Variants in CEP85L observed in about 807,000 individuals in gnomAD.
CEP85L encodes the protein centrosomal protein of 85 kDa-like.
Under a neutral mutation model 100.3 loss-of-function variants are expected in CEP85L, and 60 were observed. That is an observed-to-expected ratio of 0.60 (90% CI 0.49 to 0.74). The LOEUF (loss-of-function observed/expected upper bound fraction) is 0.74, where lower values mean the gene tolerates loss of function less well. Ranked by LOEUF, CEP85L falls within the 30% of genes least tolerant of loss-of-function variation. The probability of loss-of-function intolerance (pLI) is 0.00; values close to 1 mark genes in which losing one functional copy is unlikely to be tolerated. For synonymous variants in CEP85L, 319 were observed against 322.7 expected, an observed-to-expected ratio of 0.99 and a Z score of 0.12; for missense variants, 973 against 936.2, an observed-to-expected ratio of 1.04 and a Z score of -0.51.
At chr6:118,608,732 C>T (rs1772415619) in intron 2 of CEP85L, among the ~76,000 whole-genome samples, 1 of 152,116 alleles carries the variant, frequency 6.6e-6, no homozygotes, top group Admixed American at 6.5e-5. Flanking sequence ...AGTTAATATG[C>T]TTGCTACAGA....
In CEP85L at chr6:118,651,508, G is replaced by C; in HGVS notation, c.-239C>G. On this transcript the variant is annotated 5_prime_UTR_variant, in exon 1 of 13. Coordinates refer to ENST00000368491, the MANE Select transcript of CEP85L (RefSeq NM_001042475.3). ...GGGCTGAGGCCCGCGCCGGGGAAGC[G>C]GCGACTCGGCGGTGACGGCTGCTAG... The C allele has an allele frequency of 7.9e-7, 1 of 1,267,596 alleles. No individual in the cohort carries two copies. Among genetic ancestry groups the C allele is most frequent in the Non-Finnish European group, 9.9e-7 (1 of 1,007,186 alleles). 78.5% of individuals were successfully genotyped at this position (1,267,596 alleles called of 1,614,324 possible). A position where few individuals can be genotyped will look rare whatever the true frequency, so the allele number is the denominator to read the frequency against.
intron 4 of CEP85L, 142 bp from the exon 5 acceptor site, chr6:118,511,557 T>C (rs1775972570): frequency 5.4e-6 from 3 of 559,040 alleles, no homozygotes; most frequent in Admixed American, 6.6e-5. Context: ...CAACAACTCA[T>C]AGCTTGCTTT....
rs1254132168 is a variant in CEP85L at position 118,462,409 on chromosome 6, A to T, written c.*2996T>A. On this transcript the variant is annotated 3_prime_UTR_variant, in exon 13 of 13. Transcript: ENST00000368491. ...AAGATAGCTATTGTGCCTTTGATTC[A>T]GTGAATTTTATCTGTACAGGCAATT... 1 of 152,006 alleles carries T rather than the reference A, an allele frequency of 6.6e-6. No individual in the cohort carries two copies. Among genetic ancestry groups the T allele is most frequent in the Non-Finnish European group, 1.5e-5 (1 of 67,876 alleles). The allele number at this position is 152,006 out of a possible 1,614,324, so 9.4% of individuals were successfully genotyped here. A position where few individuals can be genotyped will look rare whatever the true frequency, so the allele number is the denominator to read the frequency against.
At chr6:118,555,689 A>G (rs1778821516) in intron 3 of CEP85L, among the ~76,000 whole-genome samples, 1 of 152,042 alleles carries the variant, frequency 6.6e-6, no homozygotes, top group South Asian at 2.1e-4. Context: ...GGTATGTGTG[A>G]AGGTTTGTTA....
intron 5 of CEP85L, among the ~76,000 whole-genome samples, chr6:118,495,718 T>A (rs570750225): frequency 6.6e-6 from 1 of 152,328 alleles, no homozygotes; most frequent in African/African-American, 2.4e-5. Flanking sequence ...ACATTTGTCA[T>A]GAACTCTTAG....
At chr6:118,495,922 A>G (rs1294332140) in intron 5 of CEP85L, among the ~76,000 whole-genome samples, 4 of 152,118 alleles carry the variant, frequency 2.6e-5, no homozygotes, top group South Asian at 4.1e-4. Context: ...TTTGTGTGAT[A>G]TATTTTCAGA....
At chr6:118,615,028 A>C (rs1772935668) in intron 2 of CEP85L, among the ~76,000 whole-genome samples, 1 of 152,242 alleles carries the variant, frequency 6.6e-6, no homozygotes, top group South Asian at 2.1e-4. Flanking sequence ...AACATAAAAT[A>C]TTAAGTGTAA....
chr6:118,566,898 T>C (rs911900792), intron 2 of CEP85L, among the ~76,000 whole-genome samples: 3 of 152,144 alleles, frequency 2.0e-5, no homozygotes, highest in Non-Finnish European at 4.4e-5. Flanking sequence ...AGGTTTATAT[T>C]TACCCTAATT....
At chr6:118,645,233 G>A (rs897080095) in intron 1 of CEP85L, among the ~76,000 whole-genome samples, 15 of 152,086 alleles carry the variant, frequency 9.9e-5, no homozygotes, top group Non-Finnish European at 2.1e-4. Flanking sequence ...AGGTAACAAT[G>A]TTACCTCCTC....
At chr6:118,684,376 C>G (rs1033869877) in intron 1 of CEP85L, among the ~76,000 whole-genome samples, 1 of 152,112 alleles carries the variant, frequency 6.6e-6, no homozygotes, top group Admixed American at 6.5e-5. Context: ...GTGGCGCATG[C>G]CTGTTAATTA....
At chr6:118,638,604 A>C (rs752360438) in intron 1 of CEP85L, among the ~76,000 whole-genome samples, 12 of 150,340 alleles carry the variant, frequency 8.0e-5, no homozygotes, top group Non-Finnish European at 1.6e-4. Context: ...ATAAGGCTGA[A>C]TAACCTCTGG....
intron 2 of CEP85L, among the ~76,000 whole-genome samples, chr6:118,624,086 C>T (rs1390748564): frequency 3.3e-5 from 5 of 152,120 alleles, no homozygotes; most frequent in Non-Finnish European, 5.9e-5. Flanking sequence ...CCTTGATACA[C>T]CTGTGACCCA....
At chr6:118,660,654 C>G (rs955901714) in intron 1 of CEP85L, among the ~76,000 whole-genome samples, 11 of 152,178 alleles carry the variant, frequency 7.2e-5, no homozygotes, top group Non-Finnish European at 1.6e-4. Flanking sequence ...AGTCAATATC[C>G]TTTGCCTGAT....
chr6:118,572,186 T>G (rs183581113), intron 2 of CEP85L, among the ~76,000 whole-genome samples: 62 of 148,720 alleles, frequency 4.2e-4, no homozygotes, highest in Non-Finnish European at 7.7e-4. Flanking sequence ...ACACAATGAG[T>G]TTTTTTTCCC....
chr6:118,627,805 A>G (rs1435110735), intron 2 of CEP85L, among the ~76,000 whole-genome samples: 2 of 152,218 alleles, frequency 1.3e-5, no homozygotes, highest in Admixed American at 6.5e-5. Flanking sequence ...CTCAGGAGAA[A>G]CTATTTAACC....
chr6:118,461,385 G>C lies in CEP85L; in HGVS notation c.*4020C>G, dbSNP rs556576488. 4 of 150,020 alleles carry C rather than the reference G, an allele frequency of 2.7e-5. No homozygotes were observed. The East Asian group carries it at 8.2e-4, about 31-fold the overall frequency. 9.3% of individuals were successfully genotyped at this position (150,020 alleles called of 1,614,324 possible). A position where few individuals can be genotyped will look rare whatever the true frequency, so the allele number is the denominator to read the frequency against. On this transcript the variant is annotated 3_prime_UTR_variant, in exon 13 of 13. Coordinates refer to ENST00000368491, the MANE Select transcript of CEP85L (RefSeq NM_001042475.3). ...TCATGTTTACTAAGGTATCCACCTA[G>C]TAACAAAAAACGGCTCCTTGCTTTA...
chr6:118,586,142 G>A (rs1407055719), intron 2 of CEP85L, among the ~76,000 whole-genome samples: 1 of 152,148 alleles, frequency 6.6e-6, no homozygotes, highest in Non-Finnish European at 1.5e-5. Flanking sequence ...AGGAAAGGTA[G>A]AGAAAACTAA....
At chr6:118,514,295 C>T (rs1163321301) in intron 4 of CEP85L, among the ~76,000 whole-genome samples, 3 of 151,994 alleles carry the variant, frequency 2.0e-5, no homozygotes, top group African/African-American at 7.2e-5. Context: ...GAGGCTGAGG[C>T]AGGTGGATCA....
Position 118,483,850 on chromosome 6 carries a change from A to T in CEP85L, c.1446T>A (p.Thr482=). 2 of 1,612,222 alleles carry T rather than the reference A, an allele frequency of 1.2e-6. No homozygotes were observed. Among genetic ancestry groups the T allele is most frequent in the Non-Finnish European group, 1.7e-6 (2 of 1,179,488 alleles). Residue 482 remains threonine (T), a synonymous_variant, in exon 7 of 13, where the codon ACT becomes ACA. Transcript: ENST00000368491. ...TCAGACTACTGATGTATCGATCTCT[A>T]GTTTTAAGCTAAAAGCAAACAATTA... ...EKKKLEEKLK[T]RDRYISSLKK... is the part of the protein sequence containing the mutation.
Sources: gnomAD v4.1 joint callset for allele counts (sites outside exome capture counted in the v4.1 genomes callset) on GRCh38, gnomAD v4.1.1 for gene constraint, MANE v1.5 for transcripts, NCBI Gene and HGNC (gene_info 2026-07-23, HGNC 2026-07-21) for gene names.